The following FRRS1 variants were observed in gnomAD, a reference collection of about 807,000 sequenced individuals.
FRRS1 encodes the protein ferric chelate reductase 1, also known as ferric reductase 1.
In FRRS1, 51 loss-of-function variants were observed where a neutral mutation model predicts 70.7. The ratio of observed to expected loss-of-function variants is 0.72; its 90% confidence interval spans 0.58 to 0.91. The LOEUF (loss-of-function observed/expected upper bound fraction) is 0.91, where lower values mean the gene tolerates loss of function less well. FRRS1 is among the 40% of genes least tolerant of loss of function. The pLI is 0.00. For missense variants in FRRS1, 672 were observed against 726.0 expected (o/e 0.93, Z 0.86); for synonymous variants, 225 against 238.7 (o/e 0.94, Z 0.53).
rs151255643 is a variant in FRRS1 at position 99,706,944 on chromosome 1, A to G, written c.*2084T>C. 4.5e-3 allele frequency among the ~76,000 whole-genome samples: 678 copies of G among 152,290 alleles called. 3 individuals carry two copies. In the Middle Eastern group the frequency reaches 0.061, roughly 14 times the overall value. ...TGTCAGATGTAGAATATAACTTAAG[A>G]GAAATTTATTAACATTTAAGCTCCT... On this transcript the variant is annotated 3_prime_UTR_variant, in exon 17 of 17. Transcript: ENST00000646001.
At chr1:99,714,986 A>C (rs1427990062) in intron 12 of FRRS1, among the ~76,000 whole-genome samples, 2 of 152,196 alleles carry the variant, frequency 1.3e-5, no homozygotes, top group African/African-American at 4.8e-5. Context: ...ACATGGGATT[A>C]TTATTAATAC....
chr1:99,722,862 GA>G (rs1327805516), intron 9 of FRRS1, among the ~76,000 whole-genome samples: 5 of 152,124 alleles, frequency 3.3e-5, no homozygotes, highest in African/African-American at 1.2e-4. Context: ...AGACAAGAAA[GA>G]AAATGAGGGC....
Position 99,748,580 on chromosome 1 carries a change from C to T in FRRS1, c.189G>A (p.Gln63=). ...TTAATCCCAGCACGGTACCTTCAATCTGATCTCCTGGCCTGAATGTCATCT... is the reference window on the plus strand; with the variant it reads ...TTAATCCCAGCACGGTACCTTCAATTTGATCTCCTGGCCTGAATGTCATCT... ...VSQMTFRPGD[Q]IEVTLSGHPF... The change falls in exon 3 of 17, where the codon CAG becomes CAA. Residue 63 remains glutamine (Q), a synonymous_variant. Transcript: ENST00000646001. 6.2e-7 allele frequency: 1 copy of T among 1,613,374 alleles called. No individual in the cohort carries two copies. The highest frequency in any genetic ancestry group is 8.5e-7 in the Non-Finnish European group (1 of 1,179,440).
chr1:99,720,700 A>C lies in FRRS1; in HGVS notation c.1007-1053T>G, dbSNP rs1365335987. On this transcript the variant is annotated intron_variant, in intron 9 of 16. Transcript: ENST00000646001. ...TACTCTTTTTAATAACCTTTGGATTAAATAAGAAATTAAAACTAAAATCAC... is the reference window on the plus strand; with the variant it reads ...TACTCTTTTTAATAACCTTTGGATTCAATAAGAAATTAAAACTAAAATCAC... Among the ~76,000 whole-genome samples the C allele has an allele frequency of 2.0e-5, 3 of 152,174 alleles. No individual in the cohort carries two copies. The East Asian group carries it at 5.8e-4, about 29-fold the overall frequency.
intron 1 of FRRS1, among the ~76,000 whole-genome samples, chr1:99,756,828 C>A (rs1656859016): frequency 6.6e-6 from 1 of 152,064 alleles, no homozygotes; most frequent in Non-Finnish European, 1.5e-5. Flanking sequence ...TCTTGTTAGT[C>A]ATTTATTTTA....
In FRRS1 at chr1:99,707,291, T is replaced by G. The variant is rs954623042; in HGVS notation, c.*1737A>C. ...TTGAAAAATATTAATAAAATAAAGA[T>G]GTAGGCTACATAGCTGAGGCTATTA... On this transcript the variant is annotated 3_prime_UTR_variant, in exon 17 of 17. Coordinates refer to ENST00000646001, the MANE Select transcript of FRRS1 (RefSeq NM_001361041.2). 4.6e-5 allele frequency among the ~76,000 whole-genome samples: 7 copies of G among 151,896 alleles called. No homozygotes were observed. The highest frequency in any genetic ancestry group is 1.7e-4 in the African/African-American group (7 of 41,404).
At chr1:99,766,060 C>G (rs1657339614) in intron 1 of FRRS1, among the ~76,000 whole-genome samples, 1 of 152,054 alleles carries the variant, frequency 6.6e-6, no homozygotes, top group South Asian at 2.1e-4. Context: ...GGCAGTATGA[C>G]AAGCACACAC....
At chr1:99,740,730 G>A (rs866091556) in intron 6 of FRRS1, 63 bp downstream of exon 6, 25 of 1,182,058 alleles carry the variant, frequency 2.1e-5, no homozygotes, top group African/African-American at 6.0e-5. Context: ...TCAGGAGTTC[G>A]AGACCGGCCT....
At chr1:99,711,082 C>A in intron 14 of FRRS1, 133 bp from the exon 15 acceptor site, 1 of 743,012 alleles carries the variant, frequency 1.3e-6, no homozygotes, top group Non-Finnish European at 2.1e-6. Context: ...TATCTAAGAC[C>A]AAATAGTTAA....
At position 99,710,788 on chromosome 1, in the gene FRRS1, G is replaced by C. The variant is rs369348596; in HGVS notation, c.1624+18C>G. ...TATAGAAGTGCTTCTACATAACATGGCTTTTTTACCAGGTTACCTTTGCGA... is the reference window on the plus strand; with the variant it reads ...TATAGAAGTGCTTCTACATAACATGCCTTTTTTACCAGGTTACCTTTGCGA... On this transcript the variant is annotated intron_variant, in intron 15 of 16. Transcript: ENST00000646001. 13 of 1,609,266 alleles carry C rather than the reference G, an allele frequency of 8.1e-6. No homozygotes were observed. Among genetic ancestry groups the C allele is most frequent in the Middle Eastern group, 1.7e-4 (1 of 6,052 alleles).
intron 1 of FRRS1, among the ~76,000 whole-genome samples, chr1:99,750,975 T>A (rs1443939552): frequency 6.6e-6 from 1 of 152,156 alleles, no homozygotes; most frequent in African/African-American, 2.4e-5. Flanking sequence ...TTTCTGGAAG[T>A]GTCTATGAAT....
chr1:99,709,514 C>T (rs905067661), intron 15 of FRRS1, among the ~76,000 whole-genome samples: 2 of 152,132 alleles, frequency 1.3e-5, no homozygotes, highest in African/African-American at 2.4e-5. Flanking sequence ...AAAGTCATAA[C>T]GATCTAAGCT....
At position 99,729,563 on chromosome 1, in the gene FRRS1, C is replaced by T. The variant is rs1022886023; in HGVS notation, c.858+87G>A. ...TAGGTGGAACTGTGGGGGTTGGAGG[C>T]AATCTAGCAGCACAGCCACGCCAGT... is the stretch of plus-strand genomic sequence containing the variant. On this transcript the variant is annotated intron_variant, in intron 8 of 16. Coordinates refer to ENST00000646001, the MANE Select transcript of FRRS1 (RefSeq NM_001361041.2). The T allele has an allele frequency of 1.3e-4, 103 of 797,316 alleles. No homozygotes were observed. The Admixed American group carries it at 2.1e-3, about 16-fold the overall frequency. 49.4% of individuals were successfully genotyped at this position (797,316 alleles called of 1,614,324 possible).
chr1:99,721,178 A>C (rs1654803125), intron 9 of FRRS1, among the ~76,000 whole-genome samples: 1 of 152,094 alleles, frequency 6.6e-6, no homozygotes, highest in African/African-American at 2.4e-5. Flanking sequence ...CAAGAGTTCG[A>C]GACCAGCCTG....
chr1:99,709,007 A>AAAGCC lies in FRRS1; in HGVS notation c.*16_*20dup. ...GATGATAATTATCACTTGGCCTGCA[A>AAAGCC]AAGCCAAGGTCTTTGCTTGCTCATA... On this transcript the variant is annotated 3_prime_UTR_variant, in exon 17 of 17. Coordinates refer to ENST00000646001, the MANE Select transcript of FRRS1 (RefSeq NM_001361041.2). 6.2e-7 allele frequency: 1 copy of AAAGCC among 1,613,942 alleles called. No homozygotes were observed. The highest frequency in any genetic ancestry group is 1.1e-5 in the South Asian group (1 of 91,074).
intron 1 of FRRS1, among the ~76,000 whole-genome samples, chr1:99,749,546 C>T (rs1486543570): frequency 1.3e-5 from 2 of 152,190 alleles, no homozygotes; most frequent in Non-Finnish European, 2.9e-5. Flanking sequence ...CTTTTCCCAA[C>T]TTCCTATTAA....
At chr1:99,761,143 G>A (rs1377916530) in intron 1 of FRRS1, among the ~76,000 whole-genome samples, 2 of 150,684 alleles carry the variant, frequency 1.3e-5, no homozygotes, top group South Asian at 2.1e-4. Flanking sequence ...GGGGGTGGGG[G>A]AAGGGTCTCA....
chr1:99,762,467 CTTTT>C (rs1216418213), intron 1 of FRRS1, among the ~76,000 whole-genome samples: 2 of 146,124 alleles, frequency 1.4e-5, no homozygotes, highest in African/African-American at 2.5e-5. Flanking sequence ...TTCTTTCTTT[CTTTT>C]TTTTTCCCTT....
In FRRS1 at chr1:99,739,090, G is replaced by T. The variant is rs148022564; in HGVS notation, c.577-822C>A. Among the ~76,000 whole-genome samples the T allele has an allele frequency of 4.1e-3, 628 of 152,262 alleles. 16 individuals carry two copies. The highest frequency in any genetic ancestry group is 0.04 in the East Asian group (205 of 5,182). On this transcript the variant is annotated intron_variant, in intron 6 of 16. Transcript: ENST00000646001. The stretch of plus-strand genomic sequence containing the variant: ...AGAGAACAAGCCACTGGGGAATTAA[G>T]AAACTTGGACTTTGGTCTCTGCTCT...
Sources: allele counts gnomAD v4.1 joint callset (sites outside exome capture counted in the v4.1 genomes callset), GRCh38; gene constraint gnomAD v4.1.1; transcripts MANE v1.5; gene names NCBI Gene and HGNC (gene_info 2026-07-23, HGNC 2026-07-21).